The following SPATA3 variants were observed in gnomAD, a reference collection of about 807,000 sequenced individuals.
The protein encoded by SPATA3 is spermatogenesis-associated protein 3.
SPATA3 carries 6 observed loss-of-function variants against 5.7 expected under a neutral mutation model. The observed-to-expected ratio is 1.06, with a 90% CI of 0.58 to 2.09. The LOEUF is 2.09. SPATA3 is among the 30% of genes most tolerant of loss of function. The probability of loss-of-function intolerance (pLI) is 0.00; values close to 1 mark genes in which losing one functional copy is unlikely to be tolerated. For synonymous variants in SPATA3, 44 were observed against 48.4 expected (o/e 0.91, Z 0.37); for missense variants, 155 against 130.4 (o/e 1.19, Z -0.92).
intron 6 of SPATA3, among the ~76,000 whole-genome samples, chr2:231,015,479 G>A (rs566556699): frequency 5.0e-4 from 76 of 152,172 alleles, no homozygotes; most frequent in African/African-American, 1.7e-3. Flanking sequence ...GCTGGGCTCC[G>A]TCCTCCTGCA....
At chr2:231,010,913 T>TAAG (rs1692764208), downstream of SPATA3, among the ~76,000 whole-genome samples, 1 of 131,848 alleles carries the variant, frequency 7.6e-6, no homozygotes, top group South Asian at 2.4e-4. Flanking sequence ...TGTATTTTTC[T>TAAG]AAAAAAAAAA....
chr2:230,997,370 G>A (rs185976744), intron 1 of SPATA3, among the ~76,000 whole-genome samples: 1 of 152,168 alleles, frequency 6.6e-6, no homozygotes, highest in Admixed American at 6.5e-5. Context: ...ACGTGGAACT[G>A]TAAGTTCCAC....
At chr2:230,998,247 C>G (rs888744501) in intron 1 of SPATA3, among the ~76,000 whole-genome samples, 3 of 152,232 alleles carry the variant, frequency 2.0e-5, no homozygotes, top group African/African-American at 7.2e-5. Flanking sequence ...AAATATAAGG[C>G]ATGCCATGCC....
At chr2:230,999,170 C>G in intron 1 of SPATA3, among the ~76,000 whole-genome samples, 1 of 152,256 alleles carries the variant, frequency 6.6e-6, no homozygotes, top group East Asian at 1.9e-4. Context: ...ACCCACACAT[C>G]GAATGATTCT....
At chr2:231,014,782 A>G (rs757519516) in intron 6 of SPATA3, among the ~76,000 whole-genome samples, 4 of 152,116 alleles carry the variant, frequency 2.6e-5, no homozygotes, top group Admixed American at 6.5e-5. Flanking sequence ...TGTTGGCCAA[A>G]CACTTCCATC....
chr2:231,008,594 G>T (rs17619398), downstream of SPATA3, among the ~76,000 whole-genome samples: 2 of 151,820 alleles, frequency 1.3e-5, no homozygotes, highest in Non-Finnish European at 2.9e-5. Context: ...TGGGAGTTGC[G>T]TGGGGTCGTG....
In SPATA3 at chr2:231,018,625, C is replaced by T. The variant is rs531768891; in HGVS notation, c.*566-1095C>T. On this transcript the variant is annotated intron_variant, in intron 6 of 8. Coordinates refer to the SPATA3 transcript ENST00000452881. ...CAGCAGGGGAGGGAGAGATATTCTACACCCCAGAATCAAGGAATGCTGAGA... is the reference window on the plus strand; with the variant it reads ...CAGCAGGGGAGGGAGAGATATTCTATACCCCAGAATCAAGGAATGCTGAGA... Among the ~76,000 whole-genome samples, 207 of 152,284 alleles carry T rather than the reference C, an allele frequency of 1.4e-3. 1 individual carries two copies. The highest frequency in any genetic ancestry group is 4.3e-3 in the African/African-American group (178 of 41,554).
At chr2:231,018,255 C>G (rs1212395333) in intron 6 of SPATA3, among the ~76,000 whole-genome samples, 1 of 152,176 alleles carries the variant, frequency 6.6e-6, no homozygotes, top group Non-Finnish European at 1.5e-5. Context: ...AAGCTGCCAT[C>G]TGAACTCATA....
rs111594464 is a variant in SPATA3, at chr2:231,002,687, A to G, written c.966A>G (p.Lys322=). 1.3e-3 allele frequency: 1,958 copies of G among 1,507,576 alleles called. 24 individuals carry two copies. Among genetic ancestry groups the G allele is most frequent in the East Asian group, 0.012 (458 of 38,116 alleles). The allele number at this position is 1,507,576 out of a possible 1,614,324, so 93.4% of individuals were successfully genotyped here. ...CCACTTCTGCTTTGCTCTACAGAAA[A>G]TCTTCAAGAAAACCCTCCAGTCATC... The change falls in exon 3 of 3, where the codon AAA becomes AAG. Residue 322 remains lysine (K), a synonymous_variant. Transcript: ENST00000645363.
intron 1 of SPATA3, among the ~76,000 whole-genome samples, chr2:231,000,054 C>A (rs953919270): frequency 6.6e-6 from 1 of 152,150 alleles, no homozygotes; most frequent in African/African-American, 2.4e-5. Flanking sequence ...CCATCAGCAC[C>A]ACCTCCATCA....
rs1692310277 is a variant in SPATA3, at chr2:231,000,512, C to T, written c.937C>T (p.Leu313Phe). 1 of 1,541,902 alleles carries T rather than the reference C, an allele frequency of 6.5e-7. No homozygotes were observed. Among genetic ancestry groups the T allele is most frequent in the Non-Finnish European group, 8.8e-7 (1 of 1,141,106 alleles). Residue 313 changes from leucine to phenylalanine, a missense_variant, in exon 2 of 3, where the codon CTC (leucine) becomes TTC (phenylalanine). Transcript: ENST00000645363. ...CTGGCAGATGGCGCCAGGGAGAGGA[C>T]TCCCCAACCTGCTCACCTTCTACAG... is the stretch of plus-strand genomic sequence containing the variant.
chr2:231,011,425 G>A (rs962761888), downstream of SPATA3, among the ~76,000 whole-genome samples: 1 of 152,146 alleles, frequency 6.6e-6, no homozygotes, highest in Non-Finnish European at 1.5e-5. Flanking sequence ...CTTGAGATAG[G>A]TTGGTCCCTG....
At chr2:231,011,923 T>C (rs1387045795), downstream of SPATA3, among the ~76,000 whole-genome samples, 3 of 152,202 alleles carry the variant, frequency 2.0e-5, no homozygotes, top group Non-Finnish European at 4.4e-5. Flanking sequence ...AAGCACAGCA[T>C]ATACTTATTA....
downstream of SPATA3, among the ~76,000 whole-genome samples, chr2:231,010,622 G>C (rs540674408): frequency 1.1e-3 from 163 of 152,286 alleles, no homozygotes; most frequent in African/African-American, 3.6e-3. Context: ...TAGCCTTGGG[G>C]GAGATGGGAC....
chr2:231,016,982 C>CT (rs1341710202), intron 6 of SPATA3, among the ~76,000 whole-genome samples: 1 of 152,298 alleles, frequency 6.6e-6, no homozygotes, highest in East Asian at 1.9e-4. Flanking sequence ...TTGTTGTCTG[C>CT]TTTTTTTCCC....
At chr2:231,002,979 A>T (rs1245706224), downstream of SPATA3, among the ~76,000 whole-genome samples, 1 of 152,128 alleles carries the variant, frequency 6.6e-6, no homozygotes, top group South Asian at 2.1e-4. Flanking sequence ...ATGCTCTCAG[A>T]TGACGCTAGA....
downstream of SPATA3, among the ~76,000 whole-genome samples, chr2:231,006,000 C>CAA (rs35868663): frequency 1.0e-3 from 128 of 124,250 alleles, no homozygotes; most frequent in Admixed American, 2.4e-3. Context: ...CTTGTCTCTA[C>CAA]AAAAAAAAAA....
intron 6 of SPATA3, among the ~76,000 whole-genome samples, chr2:231,018,540 G>GC (rs1324372625): frequency 6.6e-6 from 1 of 151,996 alleles, no homozygotes; most frequent in East Asian, 1.9e-4. Context: ...ACATTTGTGT[G>GC]CCTTTTCTCT....
At chr2:230,996,254 A>G in intron 1 of SPATA3, 1 of 1,492,912 alleles carries the variant, frequency 6.7e-7, no homozygotes, top group Non-Finnish European at 8.9e-7. Flanking sequence ...TCAAGAAGAA[A>G]AGGTCAGAGG....
Sources: allele counts gnomAD v4.1 joint callset (sites outside exome capture counted in the v4.1 genomes callset), GRCh38; gene constraint gnomAD v4.1.1; transcripts MANE v1.5; gene names NCBI Gene and HGNC (gene_info 2026-07-23, HGNC 2026-07-21).